The following SPAG16 variants were observed in gnomAD, a reference collection of about 807,000 sequenced individuals.
SPAG16 encodes the protein sperm associated antigen 16.
Under a neutral mutation model 80.4 loss-of-function variants are expected in SPAG16, and 86 were observed. The observed-to-expected ratio is 1.07, with a 90% CI of 0.90 to 1.28. The LOEUF (loss-of-function observed/expected upper bound fraction) is 1.28. SPAG16 is among the 50% of genes most tolerant of loss of function. The pLI is 0.00. For synonymous variants in SPAG16, 294 were observed against 265.9 expected, an observed-to-expected ratio of 1.11 and a Z score of -1.03; for missense variants, 870 against 765.3, an observed-to-expected ratio of 1.14 and a Z score of -1.61.
At chr2:213,661,063 T>C (rs2063408973) in intron 10 of SPAG16, among the ~76,000 whole-genome samples, 1 of 152,180 alleles carries the variant, frequency 6.6e-6, no homozygotes, top group Admixed American at 6.5e-5. Context: ...TTGGGTCTGG[T>C]CACTCCAACA....
At chr2:213,944,986 C>G (rs2079379203) in intron 12 of SPAG16, among the ~76,000 whole-genome samples, 1 of 152,018 alleles carries the variant, frequency 6.6e-6, no homozygotes, top group Admixed American at 6.6e-5. Context: ...TGCAATGAGC[C>G]AAGATCGTGC....
At chr2:214,195,026 A>C (rs1397440819) in intron 15 of SPAG16, among the ~76,000 whole-genome samples, 1 of 152,096 alleles carries the variant, frequency 6.6e-6, no homozygotes, top group Admixed American at 6.6e-5. Flanking sequence ...ATACAAAAAT[A>C]ATTATAATAC....
At chr2:213,407,931 G>GA in intron 9 of SPAG16, among the ~76,000 whole-genome samples, 1 of 129,864 alleles carries the variant, frequency 7.7e-6, no homozygotes, top group Non-Finnish European at 1.6e-5. Context: ...AGGAGAGAGA[G>GA]GAGAGAGGCA....
chr2:213,788,277 A>G (rs1335871891), intron 10 of SPAG16, among the ~76,000 whole-genome samples: 2 of 152,104 alleles, frequency 1.3e-5, no homozygotes, highest in East Asian at 1.9e-4. Flanking sequence ...AAGTATTTAT[A>G]GAAGTAAATG....
At chr2:214,231,316 T>G (rs1688688133) in intron 15 of SPAG16, among the ~76,000 whole-genome samples, 1 of 152,048 alleles carries the variant, frequency 6.6e-6, no homozygotes, top group Non-Finnish European at 1.5e-5. Flanking sequence ...GTGGATGTTT[T>G]AAATGCATGT....
chr2:213,541,984 C>A (rs2076463341), intron 10 of SPAG16, among the ~76,000 whole-genome samples: 1 of 152,142 alleles, frequency 6.6e-6, no homozygotes, highest in South Asian at 2.1e-4. Flanking sequence ...GTAAGTACCA[C>A]AAAGTCAGAG....
intron 13 of SPAG16, among the ~76,000 whole-genome samples, chr2:214,046,578 C>T (rs775620487): frequency 6.6e-6 from 1 of 152,056 alleles, no homozygotes; most frequent in Non-Finnish European, 1.5e-5. Flanking sequence ...TACATATCAA[C>T]AGAATGATAC....
At chr2:213,850,582 C>T (rs1204610821) in intron 10 of SPAG16, among the ~76,000 whole-genome samples, 1 of 152,156 alleles carries the variant, frequency 6.6e-6, no homozygotes, top group African/African-American at 2.4e-5. Context: ...AGGGCAGGAC[C>T]TCTCTGGAAT....
intron 9 of SPAG16, among the ~76,000 whole-genome samples, chr2:213,433,560 A>G (rs563946889): frequency 6.6e-6 from 1 of 152,202 alleles, no homozygotes; most frequent in South Asian, 2.1e-4. Context: ...AAATATCCCT[A>G]CAAGGGAAAT....
At chr2:214,024,647 T>C (rs1381959451) in intron 13 of SPAG16, among the ~76,000 whole-genome samples, 1 of 151,668 alleles carries the variant, frequency 6.6e-6, no homozygotes, top group Non-Finnish European at 1.5e-5. Flanking sequence ...ATTTCTTCCT[T>C]TTATTCAGAT....
intron 12 of SPAG16, among the ~76,000 whole-genome samples, chr2:214,000,609 A>G (rs1335587467): frequency 6.6e-6 from 1 of 152,216 alleles, no homozygotes; most frequent in African/African-American, 2.4e-5. Flanking sequence ...CAGAGTCCTC[A>G]TGGAGTGTTT....
chr2:214,056,362 T>C (rs142360668), intron 13 of SPAG16, among the ~76,000 whole-genome samples: 2 of 151,438 alleles, frequency 1.3e-5, no homozygotes, highest in African/African-American at 4.8e-5. Flanking sequence ...AAGCATACCT[T>C]GGAGATACTG....
chr2:214,146,193 T>C (rs1263605013), intron 14 of SPAG16, among the ~76,000 whole-genome samples: 3 of 152,188 alleles, frequency 2.0e-5, no homozygotes, highest in Admixed American at 6.5e-5. Context: ...AAAATGACTT[T>C]TCCCTAGGTT....
At chr2:214,337,625 AT>A (rs1697389250) in intron 15 of SPAG16, among the ~76,000 whole-genome samples, 1 of 152,140 alleles carries the variant, frequency 6.6e-6, no homozygotes. Flanking sequence ...TCCTATGGGT[AT>A]TTTTTACAGG....
At chr2:213,879,947 G>T (rs2076283333) in intron 11 of SPAG16, among the ~76,000 whole-genome samples, 1 of 152,126 alleles carries the variant, frequency 6.6e-6, no homozygotes, top group Non-Finnish European at 1.5e-5. Context: ...ATGAACATAT[G>T]AGTGCATCTG....
chr2:214,001,052 A>C lies in SPAG16; in HGVS notation c.1401-12899A>C, dbSNP rs551228506. Among the ~76,000 whole-genome samples the C allele has an allele frequency of 2.6e-5, 4 of 152,358 alleles. No homozygotes were observed. In the South Asian group the frequency reaches 8.3e-4, roughly 32 times the overall value. ...AGGAGGTAGATATGGAAAGGAAAAC[A>C]GACATAAAATTTGAATGTATCATTG... On this transcript the variant is annotated intron_variant, in intron 12 of 15. Coordinates refer to ENST00000331683, the MANE Select transcript of SPAG16 (RefSeq NM_024532.5).
intron 12 of SPAG16, among the ~76,000 whole-genome samples, chr2:213,981,448 T>C (rs1355418260): frequency 6.6e-6 from 1 of 152,158 alleles, no homozygotes; most frequent in African/African-American, 2.4e-5. Flanking sequence ...GTTTTTCATA[T>C]ATTTATGTTC....
chr2:213,472,138 A>G (rs2073114056), intron 9 of SPAG16, among the ~76,000 whole-genome samples: 1 of 152,192 alleles, frequency 6.6e-6, no homozygotes, highest in Non-Finnish European at 1.5e-5. Context: ...TCCGAAAAAG[A>G]TTATGACACA....
At chr2:213,359,850 G>A (rs1283778119) in intron 7 of SPAG16, among the ~76,000 whole-genome samples, 1 of 152,104 alleles carries the variant, frequency 6.6e-6, no homozygotes, top group African/African-American at 2.4e-5. Context: ...TGTCTTCTGT[G>A]TTGATCACAC....
Sources: allele counts gnomAD v4.1 joint callset (sites outside exome capture counted in the v4.1 genomes callset), GRCh38; gene constraint gnomAD v4.1.1; transcripts MANE v1.5; gene names NCBI Gene and HGNC (gene_info 2026-07-23, HGNC 2026-07-21).